GSG1L: variants seen among roughly 807,000 people sequenced by gnomAD.
GSG1L encodes the protein germ cell-specific gene 1-like protein.
A neutral mutation model predicts 42.1 loss-of-function variants in GSG1L; 24 were observed. That is an observed-to-expected ratio of 0.57 (90% confidence interval 0.41 to 0.80). The LOEUF (loss-of-function observed/expected upper bound fraction) is 0.80, where lower values mean the gene tolerates loss of function less well. GSG1L is among the 30% of genes least tolerant of loss of function. The pLI is 0.00. For synonymous variants in GSG1L, 215 were observed against 203.5 expected, an observed-to-expected ratio of 1.06 and a Z score of -0.48; for missense variants, 445 against 472.2, an observed-to-expected ratio of 0.94 and a Z score of 0.53.
At chr16:28,038,475 C>A (rs919123820) in intron 1 of GSG1L, among the ~76,000 whole-genome samples, 1 of 152,200 alleles carries the variant, frequency 6.6e-6, no homozygotes, top group East Asian at 1.9e-4. Flanking sequence ...TCCCCTGAAT[C>A]CTCCCTCCTT....
intron 3 of GSG1L, among the ~76,000 whole-genome samples, chr16:27,881,025 G>A (rs1045034170): frequency 2.0e-5 from 3 of 151,826 alleles, no homozygotes; most frequent in South Asian, 2.1e-4. Flanking sequence ...AAGGATAGCC[G>A]AGGGATCTCC....
intron 6 of GSG1L, among the ~76,000 whole-genome samples, chr16:27,793,421 C>T (rs2082776942): frequency 6.6e-6 from 1 of 152,066 alleles, no homozygotes; most frequent in Non-Finnish European, 1.5e-5. Context: ...TTTGTTTTGG[C>T]CTCAGTCATG....
intron 1 of GSG1L, among the ~76,000 whole-genome samples, chr16:28,031,500 C>T (rs1386834338): frequency 6.6e-6 from 1 of 152,004 alleles, no homozygotes; most frequent in African/African-American, 2.4e-5. Flanking sequence ...GATAACCACA[C>T]CCATGCCATG....
At chr16:27,992,735 G>C (rs576384557) in intron 1 of GSG1L, among the ~76,000 whole-genome samples, 1 of 152,268 alleles carries the variant, frequency 6.6e-6, no homozygotes, top group South Asian at 2.1e-4. Context: ...CAATTATCCA[G>C]CTCTGCTAGA....
At chr16:27,905,488 T>C (rs2084310507) in intron 2 of GSG1L, among the ~76,000 whole-genome samples, 1 of 152,028 alleles carries the variant, frequency 6.6e-6, no homozygotes, top group South Asian at 2.1e-4. Context: ...CTGGCTAATT[T>C]TATTTTTTTG....
At chr16:28,002,482 A>G (rs1246548793) in intron 1 of GSG1L, among the ~76,000 whole-genome samples, 1 of 152,182 alleles carries the variant, frequency 6.6e-6, no homozygotes, top group African/African-American at 2.4e-5. Context: ...TTAGCCAAGC[A>G]TGATGACATA....
intron 1 of GSG1L, among the ~76,000 whole-genome samples, chr16:27,985,322 G>A (rs971209788): frequency 6.6e-5 from 10 of 151,988 alleles, no homozygotes; most frequent in Non-Finnish European, 1.2e-4. Context: ...TGGTAATGAG[G>A]GAGTTCTTGG....
intron 1 of GSG1L, among the ~76,000 whole-genome samples, chr16:28,034,118 A>ACATCC (rs1183035019): frequency 2.4e-4 from 31 of 130,058 alleles, no homozygotes; most frequent in African/African-American, 7.1e-4. Flanking sequence ...CCATCCCAAC[A>ACATCC]CATCCCATCC....
intron 4 of GSG1L, among the ~76,000 whole-genome samples, chr16:27,837,728 A>G (rs2083336023): frequency 6.6e-6 from 1 of 152,208 alleles, no homozygotes; most frequent in East Asian, 1.9e-4. Context: ...GTGTGGGTGA[A>G]GCCACAGATT....
At chr16:27,955,037 C>T (rs981840415) in intron 2 of GSG1L, among the ~76,000 whole-genome samples, 1 of 152,154 alleles carries the variant, frequency 6.6e-6, no homozygotes, top group African/African-American at 2.4e-5. Context: ...CCCATCTCCA[C>T]TGTATCTTGA....
chr16:27,830,919 A>C (rs1216956730), intron 4 of GSG1L, among the ~76,000 whole-genome samples: 1 of 152,086 alleles, frequency 6.6e-6, no homozygotes. Context: ...TGGTAACCAC[A>C]CTCCAATTCT....
At chr16:27,982,865 C>T (rs955362236) in intron 1 of GSG1L, among the ~76,000 whole-genome samples, 6 of 152,156 alleles carry the variant, frequency 3.9e-5, no homozygotes, top group Admixed American at 2.6e-4. Context: ...AAGGGATCCA[C>T]GCCCATGACC....
rs574087083 is a variant in GSG1L at position 27,819,227 on chromosome 16, C to T, written c.830+9562G>A. Among the ~76,000 whole-genome samples, 5 of 148,962 alleles carry T rather than the reference C, an allele frequency of 3.4e-5. No homozygotes were observed. In the East Asian group the frequency reaches 5.9e-4, roughly 18 times the overall value. ...ATCACGCCACTGCACTCCAGCCTGG[C>T]GACAGAACAAGACTCTGTCTTAAAA... On this transcript the variant is annotated intron_variant, in intron 5 of 6. Transcript: ENST00000447459.
Position 27,793,049 on chromosome 16 carries a change from T to C in GSG1L, c.899-1582A>G, listed in dbSNP as rs151039255. The stretch of plus-strand genomic sequence containing the variant: ...TTCCTACTCTGATTCTCAGACATAC[T>C]TGTCATACTTTAGGGTCAGACAGGC... On this transcript the variant is annotated intron_variant, in intron 6 of 6. Transcript: ENST00000447459. 8.8e-3 allele frequency among the ~76,000 whole-genome samples: 1,340 copies of C among 152,372 alleles called. 5 individuals carry two copies. Among genetic ancestry groups the C allele is most frequent in the Non-Finnish European group, 0.014 (952 of 68,046 alleles).
chr16:28,015,336 C>T (rs2085768231), intron 1 of GSG1L, among the ~76,000 whole-genome samples: 1 of 152,164 alleles, frequency 6.6e-6, no homozygotes, highest in African/African-American at 2.4e-5. Context: ...AGACCCCTGT[C>T]TACAAAAAAA....
intron 6 of GSG1L, among the ~76,000 whole-genome samples, chr16:27,803,796 G>GATATATATATATAT (rs879523842): frequency 9.5e-5 from 7 of 73,826 alleles, no homozygotes; most frequent in African/African-American, 3.8e-4. Context: ...TATATATATA[G>GATATATATATATAT]ATAGATAGAT....
intron 1 of GSG1L, among the ~76,000 whole-genome samples, chr16:28,018,138 T>C (rs1177193203): frequency 1.3e-5 from 2 of 152,206 alleles, no homozygotes; most frequent in East Asian, 1.9e-4. Context: ...CACCCAATTT[T>C]CCACTCCATA....
At chr16:27,953,294 T>G (rs2084969871) in intron 2 of GSG1L, among the ~76,000 whole-genome samples, 1 of 152,180 alleles carries the variant, frequency 6.6e-6, no homozygotes. Context: ...CTTGCTGTTT[T>G]GCCCAGCCTG....
At chr16:27,902,790 T>C (rs897496846) in intron 2 of GSG1L, among the ~76,000 whole-genome samples, 3 of 152,186 alleles carry the variant, frequency 2.0e-5, no homozygotes, top group African/African-American at 4.8e-5. Flanking sequence ...ATGAAAACGA[T>C]GTCCGCCTTA....
Sources: gnomAD v4.1 joint callset for allele counts (sites outside exome capture counted in the v4.1 genomes callset) on GRCh38, gnomAD v4.1.1 for gene constraint, MANE v1.5 for transcripts, NCBI Gene and HGNC (gene_info 2026-07-23, HGNC 2026-07-21) for gene names.